ARHGAP20: variants seen among roughly 807,000 people sequenced by gnomAD.
ARHGAP20 encodes rho GTPase-activating protein 20.
ARHGAP20 carries 34 observed loss-of-function variants against 73.7 expected under a neutral mutation model. That is an observed-to-expected ratio of 0.46 (90% CI 0.35 to 0.61). The LOEUF (loss-of-function observed/expected upper bound fraction) is 0.61, where lower values mean the gene tolerates loss of function less well. Among genes scored for constraint, ARHGAP20 ranks in the 20% least tolerant of loss-of-function variants. ARHGAP20 has a pLI of 0.00. For missense variants in ARHGAP20, 1,314 were observed against 1,420.9 expected, an observed-to-expected ratio of 0.92 and a Z score of 1.21; for synonymous variants, 523 against 518.2, an observed-to-expected ratio of 1.01 and a Z score of -0.13.
chr11:110,643,405 C>T (rs896537855), intron 2 of ARHGAP20, among the ~76,000 whole-genome samples: 2 of 152,010 alleles, frequency 1.3e-5, no homozygotes, highest in African/African-American at 4.8e-5. Context: ...GTGTTTAGTA[C>T]GACAATCTTT....
Position 110,585,135 on chromosome 11 carries a change from G to GTATATATGAATATA in ARHGAP20, c.1415+1067_1415+1080dup, listed in dbSNP as rs1463768063. Among the ~76,000 whole-genome samples the GTATATATGAATATA allele has an allele frequency of 7.3e-5, 11 of 151,296 alleles. No homozygotes were observed. The East Asian group carries it at 2.1e-3, about 29-fold the overall frequency. ...TGAATATATATGAATATATGTGAAT[G>GTATATATGAATATA]TATATATGAATATATACATATGATT... On this transcript the variant is annotated intron_variant, in intron 12 of 14. Coordinates refer to ENST00000683387, the MANE Select transcript of ARHGAP20 (RefSeq NM_001384657.1).
chr11:110,632,388 A>G (rs868691169), intron 2 of ARHGAP20, among the ~76,000 whole-genome samples: 4 of 152,104 alleles, frequency 2.6e-5, no homozygotes, highest in African/African-American at 9.7e-5. Context: ...GTGGATGTAC[A>G]GTAGCCTTTA....
At chr11:110,663,910 G>A (rs1591154573) in intron 2 of ARHGAP20, among the ~76,000 whole-genome samples, 1 of 152,102 alleles carries the variant, frequency 6.6e-6, no homozygotes, top group Non-Finnish European at 1.5e-5. Context: ...TCATGACCAA[G>A]TGAAGTTTAT....
At chr11:110,647,267 A>C (rs1949216731) in intron 2 of ARHGAP20, among the ~76,000 whole-genome samples, 1 of 152,120 alleles carries the variant, frequency 6.6e-6, no homozygotes, top group Non-Finnish European at 1.5e-5. Flanking sequence ...GGGATTTAAA[A>C]TCTATGAAAG....
At chr11:110,668,736 T>G (rs934704985) in intron 2 of ARHGAP20, among the ~76,000 whole-genome samples, 3 of 152,236 alleles carry the variant, frequency 2.0e-5, no homozygotes, top group African/African-American at 7.2e-5. Context: ...TATACATAAC[T>G]TTTATATGCA....
In ARHGAP20 at chr11:110,596,962, T is replaced by C. The variant is rs1417844993; in HGVS notation, c.965-4807A>G. Among the ~76,000 whole-genome samples the C allele has an allele frequency of 2.0e-5, 3 of 151,876 alleles. No homozygotes were observed. In the East Asian group the frequency reaches 5.8e-4, roughly 29 times the overall value. On this transcript the variant is annotated intron_variant, in intron 9 of 14. Coordinates refer to ENST00000683387, the MANE Select transcript of ARHGAP20 (RefSeq NM_001384657.1). Reference sequence around the variant, plus strand: ...TAGACCATGGAATACTATGCAGCCATAAAAAAGGATGAGTTCATGTCCTTT... The same window carrying C: ...TAGACCATGGAATACTATGCAGCCACAAAAAAGGATGAGTTCATGTCCTTT...
intron 9 of ARHGAP20, among the ~76,000 whole-genome samples, chr11:110,594,954 T>G (rs919513354): frequency 1.3e-5 from 2 of 151,462 alleles, no homozygotes; most frequent in African/African-American, 4.9e-5. Context: ...CATGATCCAG[T>G]GGGCTTCATC....
Position 110,684,145 on chromosome 11 carries a change from T to A in ARHGAP20, c.188+6402A>T, listed in dbSNP as rs193205136. On this transcript the variant is annotated intron_variant, in intron 2 of 14. Coordinates refer to ENST00000683387, the MANE Select transcript of ARHGAP20 (RefSeq NM_001384657.1). ...AGATATATAGTGTGTTATAGGAACATGGATGTTATTTATGAAGAGTTAGAG... is the reference window on the plus strand; with the variant it reads ...AGATATATAGTGTGTTATAGGAACAAGGATGTTATTTATGAAGAGTTAGAG... 3.6e-4 allele frequency among the ~76,000 whole-genome samples: 55 copies of A among 152,152 alleles called. No individual in the cohort carries two copies. The East Asian group carries it at 0.01, about 28-fold the overall frequency.
rs193068420 is a variant in ARHGAP20, at chr11:110,630,863, G to A, written c.189-71C>T. On this transcript the variant is annotated intron_variant, in intron 2 of 14. Transcript: ENST00000683387. ...AGTTGGTCAAGAACTACAAAATTCT[G>A]TAATTTTTTTTAATACAATGGTATA... 21 of 1,509,166 alleles carry A rather than the reference G, an allele frequency of 1.4e-5. No homozygotes were observed. The Middle Eastern group carries it at 5.3e-4, about 38-fold the overall frequency. 93.5% of individuals were successfully genotyped at this position (1,509,166 alleles called of 1,614,324 possible). A position where few individuals can be genotyped will look rare whatever the true frequency, so the allele number is the denominator to read the frequency against.
In ARHGAP20 at chr11:110,579,122, C is replaced by T. The variant is rs1396001745; in HGVS notation, c.*248G>A. 1 of 1,126,554 alleles carries T rather than the reference C, an allele frequency of 8.9e-7. No homozygotes were observed. The highest frequency in any genetic ancestry group is 3.3e-5 in the South Asian group (1 of 30,290). The allele number at this position is 1,126,554 out of a possible 1,614,324, so 69.8% of individuals were successfully genotyped here. On this transcript the variant is annotated 3_prime_UTR_variant, in exon 15 of 15. Transcript: ENST00000683387. ...AGCCCTCTGTTAGTATCTCTAAAAC[C>T]ACATGACAGGACCAATCCCAACCTT...
At chr11:110,604,145 C>G (rs1051288781) in intron 9 of ARHGAP20, among the ~76,000 whole-genome samples, 3 of 152,140 alleles carry the variant, frequency 2.0e-5, no homozygotes, top group Admixed American at 1.3e-4. Flanking sequence ...ATTTTACTAT[C>G]TGGCCCCTTA....
chr11:110,685,503 T>A (rs1950116068), intron 2 of ARHGAP20, among the ~76,000 whole-genome samples: 1 of 149,442 alleles, frequency 6.7e-6, no homozygotes, highest in Non-Finnish European at 1.5e-5. Context: ...TTAAAAAAAA[T>A]GTTAAAATCT....
At chr11:110,585,172 A>C (rs554396726) in intron 12 of ARHGAP20, among the ~76,000 whole-genome samples, 11 of 151,912 alleles carry the variant, frequency 7.2e-5, no homozygotes, top group African/African-American at 2.7e-4. Context: ...CAACTTTGAA[A>C]TTTCCTTTGA....
intron 3 of ARHGAP20, among the ~76,000 whole-genome samples, chr11:110,625,559 A>G (rs1362350471): frequency 6.6e-6 from 1 of 152,128 alleles, no homozygotes; most frequent in Non-Finnish European, 1.5e-5. Context: ...CCCCAAAAAG[A>G]ACCTAAACCA....
At chr11:110,619,294 C>T (rs1376239583) in intron 4 of ARHGAP20, among the ~76,000 whole-genome samples, 1 of 108,642 alleles carries the variant, frequency 9.2e-6, no homozygotes, top group Non-Finnish European at 1.9e-5. Flanking sequence ...AGAGTATATG[C>T]AGTGATAGCA....
intron 1 of ARHGAP20, 194 bp from the exon 2 acceptor site, chr11:110,690,823 CAAA>C: frequency 3.4e-6 from 3 of 869,762 alleles, no homozygotes; most frequent in Non-Finnish European, 5.2e-6. Context: ...CAGTAAGTGT[CAAA>C]AAGTGGTAAA....
chr11:110,643,498 G>T (rs990929090), intron 2 of ARHGAP20, among the ~76,000 whole-genome samples: 16 of 151,650 alleles, frequency 1.1e-4, no homozygotes, highest in African/African-American at 3.6e-4. Context: ...ACTTTTTTTT[G>T]ATTTCTGCCT....
At position 110,580,656 on chromosome 11, in the gene ARHGAP20, C is replaced by G. The variant is rs1244561537; in HGVS notation, c.2290G>C (p.Gly764Arg). The G allele has an allele frequency of 1.9e-6, 3 of 1,614,218 alleles. No homozygotes were observed. The highest frequency in any genetic ancestry group is 2.5e-6 in the Non-Finnish European group (3 of 1,180,020). Residue 764 changes from glycine to arginine, a missense_variant, in exon 15 of 15, where the codon GGC (glycine) becomes CGC (arginine). Gly to Arg is a moderately radical substitution (Grantham distance 125). Transcript: ENST00000683387. ...GCATTTTTCTTGCTGACATCAGTGCCTGTGACTAAACTCTGTTTAAAACAT... is the reference window on the plus strand; with the variant it reads ...GCATTTTTCTTGCTGACATCAGTGCGTGTGACTAAACTCTGTTTAAAACAT... ...KTCFKQSLVT[G>R]TDVSKKNATT...
At chr11:110,685,371 A>G (rs891662987) in intron 2 of ARHGAP20, among the ~76,000 whole-genome samples, 1 of 152,252 alleles carries the variant, frequency 6.6e-6, no homozygotes, top group Admixed American at 6.5e-5. Context: ...AGTTGACTGC[A>G]GCTATGTAAC....
Sources: gnomAD v4.1 joint callset for allele counts (sites outside exome capture counted in the v4.1 genomes callset) on GRCh38, gnomAD v4.1.1 for gene constraint, MANE v1.5 for transcripts, NCBI Gene and HGNC (gene_info 2026-07-23, HGNC 2026-07-21) for gene names.